The following FOXN3 variants were observed in gnomAD, a reference collection of about 807,000 sequenced individuals.
The protein encoded by FOXN3 is forkhead box protein N3.
FOXN3 carries 7 observed loss-of-function variants against 38.4 expected under a neutral mutation model. That is an observed-to-expected ratio of 0.18 (90% CI 0.10 to 0.34). FOXN3 has a LOEUF of 0.34. Among genes scored for constraint, FOXN3 ranks in the 10% least tolerant of loss-of-function variants. FOXN3 has a pLI of 1.00. For synonymous variants in FOXN3, 230 were observed against 242.2 expected (o/e 0.95, Z 0.47); for missense variants, 456 against 613.4 (o/e 0.74, Z 2.71).
intron 3 of FOXN3, among the ~76,000 whole-genome samples, chr14:89,309,917 A>G (rs1887481237): frequency 6.6e-6 from 1 of 152,234 alleles, no homozygotes; most frequent in South Asian, 2.1e-4. Context: ...AAGACTGGGC[A>G]AGCCCAGATC....
intron 3 of FOXN3, among the ~76,000 whole-genome samples, chr14:89,338,619 C>A (rs1369631031): frequency 2.0e-5 from 3 of 152,090 alleles, no homozygotes; most frequent in South Asian, 2.1e-4. Flanking sequence ...CATGGTGAAA[C>A]CTCGTCTCTA....
At chr14:89,497,919 T>G (rs547272860) in intron 1 of FOXN3, among the ~76,000 whole-genome samples, 16 of 121,278 alleles carry the variant, frequency 1.3e-4, no homozygotes, top group African/African-American at 5.2e-4. Flanking sequence ...TGTTTGTTTG[T>G]TTGGTTTTTT....
intron 4 of FOXN3, among the ~76,000 whole-genome samples, chr14:89,209,917 T>G (rs975577008): frequency 1.3e-5 from 2 of 152,250 alleles, no homozygotes; most frequent in African/African-American, 4.8e-5. Context: ...CCACCATTGT[T>G]AACAGATAAG....
intron 3 of FOXN3, 73 bp from the exon 4 acceptor site, chr14:89,281,087 T>G: frequency 7.5e-7 from 1 of 1,334,356 alleles, no homozygotes; most frequent in Non-Finnish European, 1.1e-6. Flanking sequence ...TTCCCACACT[T>G]CCCTCAAAAC....
intron 3 of FOXN3, among the ~76,000 whole-genome samples, chr14:89,311,378 A>T (rs1887540769): frequency 6.7e-6 from 1 of 149,178 alleles, no homozygotes; most frequent in South Asian, 2.1e-4. Context: ...AGGCTGAGGC[A>T]GGAGAATCAC....
chr14:89,574,919 C>G (rs1195174197), intron 1 of FOXN3, among the ~76,000 whole-genome samples: 2 of 152,088 alleles, frequency 1.3e-5, no homozygotes, highest in African/African-American at 4.8e-5. Flanking sequence ...GTATGTTGTG[C>G]CTTTATAGGA....
intron 1 of FOXN3, among the ~76,000 whole-genome samples, chr14:89,566,097 A>T (rs1465591666): frequency 6.6e-6 from 1 of 152,188 alleles, no homozygotes; most frequent in East Asian, 1.9e-4. Context: ...GGCTCCTCGG[A>T]ACTGCTAGAA....
At position 89,566,690 on chromosome 14, in the gene FOXN3, T is replaced by A. The variant is rs1895358505; in HGVS notation, c.-15+52338A>T. ...TATTCTAGACTCATTCACATTTGTGTGTCATAGCAGCTACATATTCTCCTA... is the reference window on the plus strand; with the variant it reads ...TATTCTAGACTCATTCACATTTGTGAGTCATAGCAGCTACATATTCTCCTA... On this transcript the variant is annotated intron_variant, in intron 1 of 6. Transcript: ENST00000345097. Among the ~76,000 whole-genome samples the A allele has an allele frequency of 2.0e-5, 3 of 152,352 alleles. No homozygotes were observed. In the South Asian group the frequency reaches 6.2e-4, roughly 32 times the overall value.
At chr14:89,394,338 C>T (rs1176316944) in intron 2 of FOXN3, among the ~76,000 whole-genome samples, 3 of 150,562 alleles carry the variant, frequency 2.0e-5, no homozygotes, top group African/African-American at 7.4e-5. Flanking sequence ...CTGGTAGCTG[C>T]GATTACAGGT....
chr14:89,195,065 G>A (rs1888063322), intron 4 of FOXN3, among the ~76,000 whole-genome samples: 1 of 152,180 alleles, frequency 6.6e-6, no homozygotes, highest in Non-Finnish European at 1.5e-5. Context: ...TACAGGCATT[G>A]CCTTTTCTTT....
chr14:89,534,963 A>G (rs368314570), intron 1 of FOXN3, among the ~76,000 whole-genome samples: 2 of 152,250 alleles, frequency 1.3e-5, no homozygotes, highest in African/African-American at 2.4e-5. Context: ...AGCTGCTTCA[A>G]TTGAAGATAT....
rs373258440 is a variant in FOXN3 at position 89,352,291 on chromosome 14, C to A, written c.544-1483G>T. Among the ~76,000 whole-genome samples, 30 of 152,336 alleles carry A rather than the reference C, an allele frequency of 2.0e-4. No homozygotes were observed. The South Asian group carries it at 4.8e-3, about 24-fold the overall frequency. ...TGTTTTTTCCTTTCACGCACACATT[C>A]TCAAACCCAGAATAGTTCAGGGGGA... On this transcript the variant is annotated intron_variant, in intron 2 of 5. Transcript: ENST00000557258.
chr14:89,412,185 G>C lies in FOXN3; in HGVS notation c.292C>G (p.Pro98Ala). 1 of 1,613,382 alleles carries C rather than the reference G, an allele frequency of 6.2e-7. No homozygotes were observed. The highest frequency in any genetic ancestry group is 8.5e-7 in the Non-Finnish European group (1 of 1,179,490). ...TCGTAGGGCATGTCAGAGTGGGCAG[G>C]GGATGGGGGGGTGTCATCGTCCAGG... Reference protein sequence around the residue: ...QDLDDDTPPSPAHSDMPYDAR... With the variant: ...QDLDDDTPPSAAHSDMPYDAR... Residue 98 changes from proline (P) to alanine (A), a missense_variant, in exon 2 of 6, where the codon CCT becomes GCT. This residue lies in a region of FOXN3 where 386 missense variants were observed against 505.2 expected (regional missense o/e 0.76). Coordinates refer to ENST00000557258, the MANE Select transcript of FOXN3 (RefSeq NM_005197.4). This position sits in a 1 kb window ranked among gnomAD's most constrained non-coding sequence, Gnocchi z 4.7.
intron 2 of FOXN3, among the ~76,000 whole-genome samples, chr14:89,385,986 A>G (rs971031668): frequency 1.2e-4 from 18 of 152,354 alleles, no homozygotes; most frequent in African/African-American, 4.3e-4. Context: ...GAATAAAAGA[A>G]TTGCAGATTC....
At chr14:89,418,424 C>CA (rs561260071), upstream of FOXN3, among the ~76,000 whole-genome samples, 1 of 114,458 alleles carries the variant, frequency 8.7e-6, no homozygotes, top group Non-Finnish European at 1.8e-5. Context: ...CCCCCCCCCC[C>CA]AATCTGAGAG....
At chr14:89,321,613 T>C (rs1180742569) in intron 3 of FOXN3, among the ~76,000 whole-genome samples, 2 of 152,100 alleles carry the variant, frequency 1.3e-5, no homozygotes, top group Non-Finnish European at 2.9e-5. Context: ...AGAAGTTGTA[T>C]TCTGATCACA....
intron 1 of FOXN3, among the ~76,000 whole-genome samples, chr14:89,463,867 C>T (rs1320184391): frequency 5.9e-5 from 9 of 151,700 alleles, no homozygotes; most frequent in Non-Finnish European, 7.4e-5. Flanking sequence ...TCACTGCAAC[C>T]TCTGCCTCCC....
chr14:89,498,573 G>T (rs1303146385), intron 1 of FOXN3, among the ~76,000 whole-genome samples: 1 of 152,138 alleles, frequency 6.6e-6, no homozygotes, highest in African/African-American at 2.4e-5. Context: ...AACTGAAAGT[G>T]AATTTCATCA....
intron 2 of FOXN3, chr14:89,351,449 G>A (rs907069987): frequency 6.6e-6 from 1 of 152,104 alleles, no homozygotes; most frequent in Non-Finnish European, 1.5e-5. Flanking sequence ...CCCAGCAATC[G>A]ACTCCAGCCA....
Sources: gnomAD v4.1 joint callset for allele counts (sites outside exome capture counted in the v4.1 genomes callset) on GRCh38, gnomAD v4.1.1 for gene constraint, gnomAD v4.1.1 regional missense constraint, Gnocchi (gnomAD v3.1) non-coding constraint, MANE v1.5 for transcripts, NCBI Gene and HGNC (gene_info 2026-07-23, HGNC 2026-07-21) for gene names.